ZNF236: variants seen among roughly 807,000 people sequenced by gnomAD.
ZNF236 encodes zinc finger protein 236, also known as regulated by glucose.
In ZNF236, 50 loss-of-function variants were observed where a neutral mutation model predicts 191.2. The observed-to-expected ratio is 0.26, with a 90% CI of 0.21 to 0.33. ZNF236 has a LOEUF of 0.33. Among genes scored for constraint, ZNF236 ranks in the 10% least tolerant of loss-of-function variants. The pLI is 1.00. For synonymous variants in ZNF236, 907 were observed against 928.8 expected, an observed-to-expected ratio of 0.98 and a Z score of 0.43; for missense variants, 1,754 against 2,374.5, an observed-to-expected ratio of 0.74 and a Z score of 5.43.
Position 76,915,659 on chromosome 18 carries a change from T to TG in ZNF236, c.3074_3075insG (p.Phe1025LeufsTer30). Reference sequence around the variant, plus strand: ...TCTGTGCTTGCAGGAGTGAAGGCGTTCAGCTGCAGTGTGTGCAATGCTTCC... The same window carrying TG: ...TCTGTGCTTGCAGGAGTGAAGGCGTTGCAGCTGCAGTGTGTGCAATGCTTCC... On this transcript the variant is annotated frameshift_variant, in exon 19 of 31. Transcript: ENST00000320610. LOFTEE classifies it high-confidence loss of function. 1 of 1,613,994 alleles carries TG rather than the reference T, an allele frequency of 6.2e-7. No individual in the cohort carries two copies. Among genetic ancestry groups the TG allele is most frequent in the Non-Finnish European group, 8.5e-7 (1 of 1,180,040 alleles).
intron 1 of ZNF236, among the ~76,000 whole-genome samples, chr18:76,828,452 G>A (rs1327301685): frequency 2.6e-5 from 4 of 152,158 alleles, no homozygotes; most frequent in Non-Finnish European, 5.9e-5. Flanking sequence ...ACAGGCGTGA[G>A]CCCCCACGCC....
intron 16 of ZNF236, 94 bp from the exon 17 acceptor site, chr18:76,912,150 G>A: frequency 1.1e-6 from 1 of 881,032 alleles, no homozygotes. Flanking sequence ...CACATTTTAT[G>A]AATGTTCTTA....
At chr18:76,953,043 T>C (rs1414245624) in intron 27 of ZNF236, among the ~76,000 whole-genome samples, 1 of 152,144 alleles carries the variant, frequency 6.6e-6, no homozygotes, top group African/African-American at 2.4e-5. Flanking sequence ...TTTTTAAAAA[T>C]CCTTTTCTTC....
chr18:76,909,996 TTTTGGACAGA>T, intron 14 of ZNF236, 62 bp from the exon 15 acceptor site: 2 of 1,206,204 alleles, frequency 1.7e-6, no homozygotes, highest in South Asian at 2.6e-5. Flanking sequence ...CGAAGTGTAC[TTTTGGACAGA>T]TTTGCAGTTG....
chr18:76,931,460 A>G (rs1967844033), intron 25 of ZNF236, among the ~76,000 whole-genome samples: 1 of 152,212 alleles, frequency 6.6e-6, no homozygotes, highest in Admixed American at 6.5e-5. Flanking sequence ...TTAAGCCATG[A>G]AAGTAAATAA....
chr18:76,920,079 C>T (rs146548655), intron 20 of ZNF236, 21 bp downstream of exon 20: 140 of 1,602,252 alleles, frequency 8.7e-5, no homozygotes, highest in African/African-American at 1.9e-4. Context: ...GGCTACGCCG[C>T]GCGGGTTCCG....
intron 27 of ZNF236, among the ~76,000 whole-genome samples, chr18:76,949,132 C>T (rs978617760): frequency 1.3e-5 from 2 of 152,186 alleles, no homozygotes; most frequent in Admixed American, 1.3e-4. Context: ...TCTCATGATG[C>T]TTTTGTAGTG....
chr18:76,889,988 T>A (rs906157275), intron 9 of ZNF236, among the ~76,000 whole-genome samples: 2 of 152,256 alleles, frequency 1.3e-5, no homozygotes, highest in African/African-American at 4.8e-5. Flanking sequence ...TTTCATTTTA[T>A]GAATGTATCA....
intron 11 of ZNF236, among the ~76,000 whole-genome samples, chr18:76,900,192 T>A (rs1233125456): frequency 6.6e-6 from 1 of 152,154 alleles, no homozygotes; most frequent in Non-Finnish European, 1.5e-5. Flanking sequence ...TGTAAATTAT[T>A]GTATAGAGAG....
At chr18:76,846,528 T>C (rs1975688216) in intron 1 of ZNF236, among the ~76,000 whole-genome samples, 1 of 152,212 alleles carries the variant, frequency 6.6e-6, no homozygotes, top group Admixed American at 6.5e-5. Flanking sequence ...AGCAAGAGTC[T>C]AGACCGCCAT....
At chr18:76,853,560 A>G (rs1014875598) in intron 3 of ZNF236, among the ~76,000 whole-genome samples, 18 of 152,232 alleles carry the variant, frequency 1.2e-4, no homozygotes, top group Non-Finnish European at 2.1e-4. Context: ...AGCTGAACAC[A>G]TAGAAACAGC....
chr18:76,895,461 G>C (rs1050524562), intron 10 of ZNF236, 176 bp downstream of exon 10: 3 of 880,792 alleles, frequency 3.4e-6, no homozygotes, highest in South Asian at 1.7e-5. Flanking sequence ...AGTGTGGCCC[G>C]CAATGCAGCA....
chr18:76,870,148 A>G (rs1289411163), intron 4 of ZNF236, among the ~76,000 whole-genome samples: 1 of 152,216 alleles, frequency 6.6e-6, no homozygotes, highest in Non-Finnish European at 1.5e-5. Flanking sequence ...TTAGCCTCTT[A>G]GACATTGCAT....
intron 3 of ZNF236, among the ~76,000 whole-genome samples, chr18:76,867,686 G>T (rs1176318769): frequency 6.6e-6 from 1 of 152,184 alleles, no homozygotes; most frequent in Non-Finnish European, 1.5e-5. Flanking sequence ...ACTGAAATTT[G>T]TACTAAGTCA....
chr18:76,921,803 G>A (rs760412534), intron 20 of ZNF236, among the ~76,000 whole-genome samples: 19 of 147,098 alleles, frequency 1.3e-4, no homozygotes, highest in Non-Finnish European at 2.1e-4. Context: ...GTGCAGTGGC[G>A]TGGTCTCGGC....
intron 3 of ZNF236, among the ~76,000 whole-genome samples, chr18:76,859,740 C>G (rs1175289557): frequency 6.6e-6 from 1 of 152,156 alleles, no homozygotes; most frequent in Non-Finnish European, 1.5e-5. Flanking sequence ...GTGACCTATT[C>G]CTGGGCCTCC....
chr18:76,848,228 A>G (rs1254810067), intron 1 of ZNF236, among the ~76,000 whole-genome samples: 1 of 152,216 alleles, frequency 6.6e-6, no homozygotes, highest in Non-Finnish European at 1.5e-5. Context: ...GCCTGTGTTT[A>G]TCACACAAAC....
rs1254082509 is a variant in ZNF236, at chr18:76,969,095, C to T, written c.*756C>T. On this transcript the variant is annotated 3_prime_UTR_variant, in exon 31 of 31. Transcript: ENST00000320610. ...GTCCAGGGTTACATAATTGCAGAAG[C>T]ACAAGCCATACATCGCAGGTAGGAA... The T allele has an allele frequency of 9.9e-6, 6 of 604,376 alleles. No homozygotes were observed. Among genetic ancestry groups the T allele is most frequent in the Non-Finnish European group, 1.2e-5 (6 of 481,330 alleles). The allele number at this position is 604,376 out of a possible 1,614,324, so 37.4% of individuals were successfully genotyped here. A position where few individuals can be genotyped will look rare whatever the true frequency, so the allele number is the denominator to read the frequency against.
chr18:76,923,949 G>T (rs1037790052), intron 21 of ZNF236, among the ~76,000 whole-genome samples: 1 of 152,164 alleles, frequency 6.6e-6, no homozygotes. Flanking sequence ...TTGTTATAAT[G>T]ATTCATAGAA....
Sources: gnomAD v4.1 joint callset for allele counts (sites outside exome capture counted in the v4.1 genomes callset) on GRCh38, gnomAD v4.1.1 for gene constraint, MANE v1.5 for transcripts, NCBI Gene and HGNC (gene_info 2026-07-23, HGNC 2026-07-21) for gene names.